The following RSPH9 variants were observed in gnomAD, a reference collection of about 807,000 sequenced individuals.
The protein encoded by RSPH9 is radial spoke head component 9.
A neutral mutation model predicts 27.0 loss-of-function variants in RSPH9; 27 were observed. The observed-to-expected ratio is 1.00, with a 90% CI of 0.74 to 1.38. The LOEUF is 1.38. RSPH9 is among the 40% of genes most tolerant of loss of function. RSPH9 has a pLI of 0.00. For synonymous variants in RSPH9, 145 were observed against 147.7 expected, an observed-to-expected ratio of 0.98 and a Z score of 0.13; for missense variants, 347 against 357.4, an observed-to-expected ratio of 0.97 and a Z score of 0.24.
rs1256833647 is a variant in RSPH9 at position 43,672,483 on chromosome 6, C to A, written c.*1534C>A. The A allele has an allele frequency of 2.1e-6, 1 of 468,272 alleles. No homozygotes were observed. Among genetic ancestry groups the A allele is most frequent in the African/African-American group, 2.0e-5 (1 of 50,028 alleles). 29.0% of individuals were successfully genotyped at this position (468,272 alleles called of 1,614,324 possible). A position where few individuals can be genotyped will look rare whatever the true frequency, so the allele number is the denominator to read the frequency against. ...GGGGGTGGGGAAAGATGGCTGCCGC[C>A]CATGGACCTTTGGCCTCCTTTGGGG... On this transcript the variant is annotated 3_prime_UTR_variant, in exon 5 of 5. Coordinates refer to ENST00000372163, the MANE Select transcript of RSPH9 (RefSeq NM_152732.5).
intron 4 of RSPH9, among the ~76,000 whole-genome samples, chr6:43,670,214 A>G (rs1379790365): frequency 6.6e-6 from 1 of 152,206 alleles, no homozygotes; most frequent in African/African-American, 2.4e-5. Flanking sequence ...ACCTTTAGCT[A>G]GACTTGCTGA....
At chr6:43,645,415 GC>G in intron 1 of RSPH9, 90 bp downstream of exon 1, 1 of 1,087,608 alleles carries the variant, frequency 9.2e-7, no homozygotes, top group South Asian at 1.3e-5. Context: ...AAGGGGCGGG[GC>G]CCATGGGGCC....
At chr6:43,649,787 G>A (rs1310493396) in intron 1 of RSPH9, among the ~76,000 whole-genome samples, 1 of 152,174 alleles carries the variant, frequency 6.6e-6, no homozygotes, top group Non-Finnish European at 1.5e-5. Context: ...CCACACAATT[G>A]AGGAAAGTTC....
rs1773728297 is a variant in RSPH9, at chr6:43,671,961, T to A, written c.*1012T>A. The A allele has an allele frequency of 6.6e-7, 1 of 1,512,490 alleles. No individual in the cohort carries two copies. Among genetic ancestry groups the A allele is most frequent in the Non-Finnish European group, 8.9e-7 (1 of 1,128,054 alleles). 93.7% of individuals were successfully genotyped at this position (1,512,490 alleles called of 1,614,324 possible). A position where few individuals can be genotyped will look rare whatever the true frequency, so the allele number is the denominator to read the frequency against. ...GAGGGCTGGGGGCCCAAGCTGGACG[T>A]GGGAGAGTGGAGCACTACCTCCTCA... On this transcript the variant is annotated 3_prime_UTR_variant, in exon 5 of 5. Coordinates refer to ENST00000372163, the MANE Select transcript of RSPH9 (RefSeq NM_152732.5).
chr6:43,649,698 G>A (rs1188916271), intron 1 of RSPH9, among the ~76,000 whole-genome samples: 1 of 152,100 alleles, frequency 6.6e-6, no homozygotes, highest in Non-Finnish European at 1.5e-5. Context: ...GGGCATTCCT[G>A]AGAAATGGGA....
chr6:43,667,459 T>C (rs1773257967), intron 4 of RSPH9, among the ~76,000 whole-genome samples: 1 of 152,188 alleles, frequency 6.6e-6, no homozygotes, highest in Non-Finnish European at 1.5e-5. Context: ...CTTTGAAAGC[T>C]GCTGCTGGTG....
intron 4 of RSPH9, among the ~76,000 whole-genome samples, chr6:43,670,374 G>A (rs1210981963): frequency 1.3e-5 from 2 of 152,190 alleles, no homozygotes; most frequent in African/African-American, 4.8e-5. Flanking sequence ...GGCCAAGGTG[G>A]GAGGATCGCC....
At chr6:43,662,506 A>G (rs1772734648) in intron 4 of RSPH9, among the ~76,000 whole-genome samples, 1 of 151,912 alleles carries the variant, frequency 6.6e-6, no homozygotes. Flanking sequence ...AGCTGGGACT[A>G]TAGGCGCCCG....
intron 4 of RSPH9, among the ~76,000 whole-genome samples, chr6:43,664,405 A>AT (rs1402248596): frequency 1.3e-5 from 2 of 152,130 alleles, no homozygotes; most frequent in Non-Finnish European, 2.9e-5. Flanking sequence ...CTTATTATTA[A>AT]TTTTTTTAGT....
intron 2 of RSPH9, among the ~76,000 whole-genome samples, chr6:43,651,134 G>C (rs1771428071): frequency 6.6e-6 from 1 of 151,962 alleles, no homozygotes; most frequent in Non-Finnish European, 1.5e-5. Context: ...TTGGTTATTG[G>C]GTACCTGGGT....
intron 1 of RSPH9, among the ~76,000 whole-genome samples, chr6:43,649,246 A>G (rs963102604): frequency 6.6e-6 from 1 of 151,780 alleles, no homozygotes; most frequent in Non-Finnish European, 1.5e-5. Context: ...CTGGATTCCA[A>G]TGGTGTGATC....
chr6:43,657,825 G>A (rs1772181369), intron 4 of RSPH9, among the ~76,000 whole-genome samples: 1 of 152,196 alleles, frequency 6.6e-6, no homozygotes, highest in Non-Finnish European at 1.5e-5. Flanking sequence ...AACGAGTTAT[G>A]AGAATTAAAT....
intron 4 of RSPH9, among the ~76,000 whole-genome samples, chr6:43,661,768 A>C (rs987201976): frequency 6.6e-6 from 1 of 151,948 alleles, no homozygotes; most frequent in African/African-American, 2.4e-5. Flanking sequence ...CGCCTTAATC[A>C]GTGATCTTAG....
At chr6:43,668,864 G>A (rs1345116923) in intron 4 of RSPH9, among the ~76,000 whole-genome samples, 5 of 152,232 alleles carry the variant, frequency 3.3e-5, no homozygotes, top group Admixed American at 1.3e-4. Flanking sequence ...CGATACTCTA[G>A]GCTGGTGGGG....
chr6:43,666,284 G>A (rs1773126034), intron 4 of RSPH9: 2 of 660,512 alleles, frequency 3.0e-6, no homozygotes, highest in Non-Finnish European at 5.5e-6. Flanking sequence ...AGGCTCCCCT[G>A]CCAGGCAGGC....
intron 4 of RSPH9, among the ~76,000 whole-genome samples, chr6:43,669,105 G>T (rs1364556209): frequency 2.6e-5 from 4 of 152,184 alleles, no homozygotes; most frequent in Admixed American, 6.5e-5. Flanking sequence ...TAAGAGTCAG[G>T]GGAAATACTC....
chr6:43,652,199 G>A (rs1413207169), intron 2 of RSPH9, among the ~76,000 whole-genome samples: 6 of 151,082 alleles, frequency 4.0e-5, no homozygotes, highest in African/African-American at 1.5e-4. Flanking sequence ...CCAGCTACTC[G>A]GGAGGCTGAG....
At chr6:43,655,535 A>G in intron 2 of RSPH9, 27 bp from the exon 3 acceptor site, 2 of 1,614,008 alleles carry the variant, frequency 1.2e-6, no homozygotes. Flanking sequence ...GTGCCCTGGC[A>G]GGGGGGCTCC....
chr6:43,653,676 T>G (rs1771719934), intron 2 of RSPH9, among the ~76,000 whole-genome samples: 1 of 152,064 alleles, frequency 6.6e-6, no homozygotes, highest in Non-Finnish European at 1.5e-5. Context: ...CACTCCTACC[T>G]GATTGACTTA....
Sources: gnomAD v4.1 joint callset for allele counts (sites outside exome capture counted in the v4.1 genomes callset) on GRCh38, gnomAD v4.1.1 for gene constraint, MANE v1.5 for transcripts, NCBI Gene and HGNC (gene_info 2026-07-23, HGNC 2026-07-21) for gene names.